Variants in RFX4 observed in about 807,000 individuals in gnomAD.
RFX4 encodes transcription factor RFX4.
In RFX4, 10 loss-of-function variants were observed where a neutral mutation model predicts 95.0. The observed-to-expected ratio is 0.11, with a 90% CI of 0.06 to 0.18. The LOEUF (loss-of-function observed/expected upper bound fraction) is 0.18, where lower values mean the gene tolerates loss of function less well. RFX4 is among the 10% of genes least tolerant of loss of function. The pLI is 1.00. For missense variants in RFX4, 640 were observed against 922.0 expected (o/e 0.69, Z 3.96); for synonymous variants, 321 against 340.7 (o/e 0.94, Z 0.64).
At chr12:106,713,318 C>G (rs2042225528) in intron 10 of RFX4, among the ~76,000 whole-genome samples, 1 of 152,192 alleles carries the variant, frequency 6.6e-6, no homozygotes, top group Non-Finnish European at 1.5e-5. Flanking sequence ...CAGCCATTCA[C>G]TTCACAGAAT....
At chr12:106,611,835 G>A (rs1330150181) in intron 2 of RFX4, among the ~76,000 whole-genome samples, 1 of 152,100 alleles carries the variant, frequency 6.6e-6, no homozygotes, top group African/African-American at 2.4e-5. Context: ...TCTTTCACAT[G>A]TTGGTATCCA....
At chr12:106,656,902 A>G (rs1351437480) in intron 4 of RFX4, among the ~76,000 whole-genome samples, 1 of 152,340 alleles carries the variant, frequency 6.6e-6, no homozygotes, top group East Asian at 1.9e-4. Flanking sequence ...TCCGAACTCC[A>G]TCTTATCTTC....
chr12:106,702,055 T>C (rs994531747), intron 8 of RFX4, among the ~76,000 whole-genome samples: 1 of 152,108 alleles, frequency 6.6e-6, no homozygotes, highest in African/African-American at 2.4e-5. Flanking sequence ...ATAGTAGTAA[T>C]TATTTATGTG....
At chr12:106,696,046 T>C (rs1477559054) in intron 7 of RFX4, among the ~76,000 whole-genome samples, 3 of 152,226 alleles carry the variant, frequency 2.0e-5, no homozygotes, top group Non-Finnish European at 2.9e-5. Context: ...GACCCCAGCC[T>C]GCCAGGCTAG....
chr12:106,642,109 C>T (rs908542458), intron 3 of RFX4, among the ~76,000 whole-genome samples: 2 of 151,864 alleles, frequency 1.3e-5, no homozygotes, highest in African/African-American at 4.8e-5. Flanking sequence ...CTCTTGGGTT[C>T]AAGTGATTCT....
At chr12:106,616,276 G>C (rs1428170730) in intron 2 of RFX4, among the ~76,000 whole-genome samples, 1 of 152,136 alleles carries the variant, frequency 6.6e-6, no homozygotes, top group Non-Finnish European at 1.5e-5. Flanking sequence ...AATTTTGAAT[G>C]TTAAGCCAAT....
chr12:106,752,005 C>T (rs2136096026), intron 17 of RFX4, among the ~76,000 whole-genome samples: 1 of 144,194 alleles, frequency 6.9e-6, no homozygotes, highest in African/African-American at 2.6e-5. Context: ...GACATGAAGT[C>T]CTTGCCCATG....
chr12:106,747,096 A>G (rs2042910397), intron 15 of RFX4, among the ~76,000 whole-genome samples: 1 of 152,210 alleles, frequency 6.6e-6, no homozygotes, highest in African/African-American at 2.4e-5. Context: ...CCTACAGTAC[A>G]GTGAGGGATC....
Position 106,654,359 on chromosome 12 carries a change from C to T in RFX4, c.315+8C>T. On this transcript the variant is annotated splice_region_variant and intron_variant, in intron 4 of 17. Coordinates refer to ENST00000392842, the MANE Select transcript of RFX4 (RefSeq NM_213594.3). ...GCTGCCAGCTTTGGAAAGGTGAGTC[C>T]AGCCTCATCAGGCTTGTCCTCCCTA... 1 of 1,613,162 alleles carries T rather than the reference C, an allele frequency of 6.2e-7. No homozygotes were observed. The highest frequency in any genetic ancestry group is 8.5e-7 in the Non-Finnish European group (1 of 1,179,554).
chr12:106,739,690 G>A (rs2042772820), intron 15 of RFX4, among the ~76,000 whole-genome samples: 1 of 152,254 alleles, frequency 6.6e-6, no homozygotes, highest in Non-Finnish European at 1.5e-5. Context: ...GCCAATTTTG[G>A]TTGGGTTTAC....
At chr12:106,602,630 C>T (rs1339724209) in intron 1 of RFX4, among the ~76,000 whole-genome samples, 1 of 152,172 alleles carries the variant, frequency 6.6e-6, no homozygotes, top group Non-Finnish European at 1.5e-5. Context: ...ACAAGTCAAG[C>T]ATGATCTTTC....
chr12:106,691,470 A>G (rs1334637930), intron 7 of RFX4, among the ~76,000 whole-genome samples: 1 of 152,242 alleles, frequency 6.6e-6, no homozygotes, highest in Non-Finnish European at 1.5e-5. Flanking sequence ...CTTCTCAGCC[A>G]CAGAATAATG....
chr12:106,608,961 T>G, intron 2 of RFX4, 78 bp downstream of exon 2: 1 of 1,382,954 alleles, frequency 7.2e-7, no homozygotes, highest in Non-Finnish European at 1.0e-6. Context: ...GCCACTAGAT[T>G]GCTAGGCTGG....
At chr12:106,600,774 C>T (rs2039690923) in intron 1 of RFX4, among the ~76,000 whole-genome samples, 2 of 152,152 alleles carry the variant, frequency 1.3e-5, no homozygotes, top group Admixed American at 1.3e-4. Context: ...CCTCCTGGCT[C>T]CTCCTCACAC....
chr12:106,690,114 A>T (rs541305950), intron 7 of RFX4, among the ~76,000 whole-genome samples: 1 of 152,194 alleles, frequency 6.6e-6, no homozygotes, highest in Non-Finnish European at 1.5e-5. Context: ...AGGGATATAA[A>T]AACGATGTCA....
At chr12:106,592,026 T>A (rs1416934318) in intron 1 of RFX4, among the ~76,000 whole-genome samples, 1 of 152,224 alleles carries the variant, frequency 6.6e-6, no homozygotes, top group Non-Finnish European at 1.5e-5. Context: ...GTCTACTCAC[T>A]ACATTCTAGG....
chr12:106,676,806 A>T (rs189176149), intron 4 of RFX4, among the ~76,000 whole-genome samples: 1 of 152,354 alleles, frequency 6.6e-6, no homozygotes, highest in East Asian at 1.9e-4. Context: ...ACGAGAAATC[A>T]TTTCATTCCT....
intron 17 of RFX4, among the ~76,000 whole-genome samples, chr12:106,759,951 C>T (rs896734549): frequency 6.6e-6 from 1 of 152,154 alleles, no homozygotes; most frequent in African/African-American, 2.4e-5. Context: ...TCCCCTTAGG[C>T]TCTCACTCAC....
intron 4 of RFX4, among the ~76,000 whole-genome samples, chr12:106,675,667 C>T (rs1277873433): frequency 6.6e-6 from 1 of 152,158 alleles, no homozygotes; most frequent in African/African-American, 2.4e-5. Context: ...TAACTACGGT[C>T]ACCCAACAAG....
Sources: allele counts gnomAD v4.1 joint callset (sites outside exome capture counted in the v4.1 genomes callset), GRCh38; gene constraint gnomAD v4.1.1; transcripts MANE v1.5; gene names NCBI Gene and HGNC (gene_info 2026-07-23, HGNC 2026-07-21).